The following FRMD5 variants were observed in gnomAD, a reference collection of about 807,000 sequenced individuals.
The protein encoded by FRMD5 is FERM domain containing 5, also known as FERM domain-containing protein 5.
A neutral mutation model predicts 69.0 loss-of-function variants in FRMD5; 20 were observed. That is an observed-to-expected ratio of 0.29 (90% CI 0.20 to 0.42). The LOEUF is 0.42. Ranked by LOEUF, FRMD5 falls within the 10% of genes least tolerant of loss-of-function variation. The pLI is 1.00. For synonymous variants in FRMD5, 271 were observed against 260.1 expected, an observed-to-expected ratio of 1.04 and a Z score of -0.40; for missense variants, 595 against 708.6, an observed-to-expected ratio of 0.84 and a Z score of 1.82.
chr15:43,932,831 C>G (rs1028846488), intron 1 of FRMD5, among the ~76,000 whole-genome samples: 2 of 152,232 alleles, frequency 1.3e-5, no homozygotes, highest in Non-Finnish European at 2.9e-5. Flanking sequence ...AGCTCTCTGA[C>G]TGAAGCCCCA....
At chr15:43,954,433 C>A (rs2090083317) in intron 1 of FRMD5, among the ~76,000 whole-genome samples, 1 of 152,160 alleles carries the variant, frequency 6.6e-6, no homozygotes, top group South Asian at 2.1e-4. Flanking sequence ...GTATATGCTT[C>A]CCTACTTCAA....
chr15:44,194,837 C>G, intron 1 of FRMD5, 116 bp downstream of exon 1: 1 of 910,196 alleles, frequency 1.1e-6, no homozygotes, highest in Non-Finnish European at 1.7e-6. Flanking sequence ...CAGGAACGGA[C>G]AAAGCACGGC....
At chr15:44,124,798 G>A (rs779468279) in intron 1 of FRMD5, among the ~76,000 whole-genome samples, 3 of 152,084 alleles carry the variant, frequency 2.0e-5, no homozygotes, top group African/African-American at 4.8e-5. Context: ...GAAAGAGAAC[G>A]GTTATAAAAA....
chr15:44,051,661 T>A (rs568106229), intron 1 of FRMD5, among the ~76,000 whole-genome samples: 101 of 152,290 alleles, frequency 6.6e-4, no homozygotes, highest in African/African-American at 2.4e-3. Flanking sequence ...TCATGTCTCC[T>A]TAGGCTCCTC....
At chr15:44,122,683 G>C (rs752818004) in intron 1 of FRMD5, among the ~76,000 whole-genome samples, 1 of 152,150 alleles carries the variant, frequency 6.6e-6, no homozygotes, top group Admixed American at 6.5e-5. Context: ...GGCAGATCAC[G>C]AGGTCAGGAG....
chr15:44,066,349 C>G (rs1015948505), intron 1 of FRMD5, among the ~76,000 whole-genome samples: 3 of 152,088 alleles, frequency 2.0e-5, no homozygotes, highest in Non-Finnish European at 4.4e-5. Flanking sequence ...AGCTATAATA[C>G]GAGGTCAAAT....
chr15:43,874,349 C>A lies in FRMD5; in HGVS notation c.1249G>T (p.Ala417Ser). Residue 417 changes from alanine (A) to serine (S), a missense_variant, in exon 14 of 14, where the codon GCT (alanine) becomes TCT (serine). Around this residue, in one of 5 missense-constraint regions of FRMD5, gnomAD observed 245 missense variants for 227.1 expected, o/e 1.08. Coordinates refer to ENST00000417257, the MANE Select transcript of FRMD5 (RefSeq NM_032892.5). ...SSRTDSNERV[A>S]VIADEAYSPA... ...CTGTAGGCCTCGTCTGCAATCACAG[C>A]TACTCGCTCATTGCTATCTGTCCGG... is the stretch of plus-strand genomic sequence containing the variant. 6.2e-7 allele frequency: 1 copy of A among 1,614,228 alleles called. No homozygotes were observed.
At chr15:43,903,575 G>A (rs936436191) in intron 6 of FRMD5, among the ~76,000 whole-genome samples, 2 of 152,222 alleles carry the variant, frequency 1.3e-5, no homozygotes, top group African/African-American at 4.8e-5. Flanking sequence ...TGTGGAAGGG[G>A]GTATTGCTGT....
chr15:43,891,197 G>A (rs1252072808), intron 8 of FRMD5, among the ~76,000 whole-genome samples: 2 of 152,224 alleles, frequency 1.3e-5, no homozygotes, highest in African/African-American at 4.8e-5. Flanking sequence ...GGGCTGGCCA[G>A]CTAAAGGGTC....
rs2088232623 is a variant in FRMD5 at position 43,873,809 on chromosome 15, A to ATGGGTCCCATTGC, written c.*63_*75dup. The ATGGGTCCCATTGC allele has an allele frequency of 1.3e-6, 2 of 1,575,382 alleles. No homozygotes were observed. Among genetic ancestry groups the ATGGGTCCCATTGC allele is most frequent in the East Asian group, 4.6e-5 (2 of 43,118 alleles). The stretch of plus-strand genomic sequence containing the variant: ...TGGTATATGTGCCGATGGTTCCGCG[A>ATGGGTCCCATTGC]TGGGTCCCATTGCTGGGAATGGGTA... On this transcript the variant is annotated 3_prime_UTR_variant, in exon 14 of 14. Coordinates refer to ENST00000417257, the MANE Select transcript of FRMD5 (RefSeq NM_032892.5).
At chr15:44,013,551 G>A (rs759842784) in intron 1 of FRMD5, among the ~76,000 whole-genome samples, 15 of 152,120 alleles carry the variant, frequency 9.9e-5, no homozygotes, top group Non-Finnish European at 2.1e-4. Context: ...ATGAGTCAAC[G>A]AATAAAGTGT....
chr15:44,105,854 C>G (rs1360827176), intron 1 of FRMD5, among the ~76,000 whole-genome samples: 1 of 152,176 alleles, frequency 6.6e-6, no homozygotes, highest in East Asian at 1.9e-4. Flanking sequence ...ATTAAGCTCA[C>G]TACAGTTGCC....
Position 44,173,512 on chromosome 15 carries a change from A to C in FRMD5, c.102+21441T>G, listed in dbSNP as rs560505278. Among the ~76,000 whole-genome samples, 733 of 152,184 alleles carry C rather than the reference A, an allele frequency of 4.8e-3. 6 individuals carry two copies. Among genetic ancestry groups the C allele is most frequent in the Non-Finnish European group, 5.9e-3 (401 of 67,990 alleles). The stretch of plus-strand genomic sequence containing the variant: ...AAATTATAGCCAAATATAAGGAAGA[A>C]AAAAATATACATATTTTTTTCTTGA... On this transcript the variant is annotated intron_variant, in intron 1 of 13. Coordinates refer to ENST00000417257, the MANE Select transcript of FRMD5 (RefSeq NM_032892.5).
At chr15:43,939,126 C>T (rs376940436) in intron 1 of FRMD5, among the ~76,000 whole-genome samples, 12 of 152,086 alleles carry the variant, frequency 7.9e-5, no homozygotes, top group African/African-American at 2.7e-4. Flanking sequence ...CTGCCTCGGC[C>T]TCCCAAAGTG....
chr15:43,982,363 G>A (rs1034694029), intron 1 of FRMD5, among the ~76,000 whole-genome samples: 2 of 152,154 alleles, frequency 1.3e-5, no homozygotes, highest in South Asian at 2.1e-4. Flanking sequence ...AACATCAATG[G>A]AATCAATCCA....
rs2088346330 is a variant in FRMD5, at chr15:43,876,046, C to CT, written c.1136-1585dup. ...TTATCTTCACTATATTGTGTGGCCACTTCATTGAATCTCATCCCAGACTTT... is the reference window on the plus strand; with the variant it reads ...TTATCTTCACTATATTGTGTGGCCACTTTCATTGAATCTCATCCCAGACTTT... On this transcript the variant is annotated intron_variant, in intron 13 of 13. Coordinates refer to ENST00000417257, the MANE Select transcript of FRMD5 (RefSeq NM_032892.5). 7 of 1,215,184 alleles carry CT rather than the reference C, an allele frequency of 5.8e-6. No individual in the cohort carries two copies. In the East Asian group the frequency reaches 1.6e-4, roughly 28 times the overall value. 75.3% of individuals were successfully genotyped at this position (1,215,184 alleles called of 1,614,324 possible).
chr15:44,091,434 C>T (rs1194375489), intron 1 of FRMD5, among the ~76,000 whole-genome samples: 1 of 152,120 alleles, frequency 6.6e-6, no homozygotes, highest in Non-Finnish European at 1.5e-5. Context: ...GAACATAAAA[C>T]ATAACTTATA....
chr15:44,182,330 T>C (rs920830953), intron 1 of FRMD5, among the ~76,000 whole-genome samples: 3 of 143,872 alleles, frequency 2.1e-5, no homozygotes, highest in African/African-American at 5.1e-5. Flanking sequence ...TTTTCTTTTT[T>C]TTTTTTTTTT....
At chr15:43,907,096 G>T (rs1157601886) in intron 5 of FRMD5, among the ~76,000 whole-genome samples, 1 of 152,136 alleles carries the variant, frequency 6.6e-6, no homozygotes, top group Non-Finnish European at 1.5e-5. Flanking sequence ...CTCTCCACAG[G>T]GAGGATGGTG....
Sources: gnomAD v4.1 joint callset for allele counts (sites outside exome capture counted in the v4.1 genomes callset) on GRCh38, gnomAD v4.1.1 for gene constraint, gnomAD v4.1.1 regional missense constraint, MANE v1.5 for transcripts, NCBI Gene and HGNC (gene_info 2026-07-23, HGNC 2026-07-21) for gene names.